TOGARAM1: variants seen among roughly 807,000 people sequenced by gnomAD.
TOGARAM1 encodes TOG array regulator of axonemal microtubules protein 1.
Under a neutral mutation model 166.6 loss-of-function variants are expected in TOGARAM1, and 100 were observed. The observed-to-expected ratio is 0.60, with a 90% confidence interval of 0.51 to 0.71. The LOEUF is 0.71. Ranked by LOEUF, TOGARAM1 falls within the 30% of genes least tolerant of loss-of-function variation. The probability of loss-of-function intolerance (pLI) is 0.00; values close to 1 mark genes in which losing one functional copy is unlikely to be tolerated. For synonymous variants in TOGARAM1, 758 were observed against 763.8 expected (o/e 0.99, Z 0.13); for missense variants, 2,029 against 2,102.7 (o/e 0.96, Z 0.69).
chr14:44,962,504 C>T lies in TOGARAM1; in HGVS notation c.83C>T (p.Pro28Leu). 6.2e-7 allele frequency: 1 copy of T among 1,612,842 alleles called. No homozygotes were observed. The highest frequency in any genetic ancestry group is 1.3e-5 in the African/African-American group (1 of 75,028). Residue 28 changes from proline to leucine, a missense_variant, in exon 1 of 20, where the codon CCT becomes CTT. Physicochemically the swap from Pro to Leu is moderately conservative, Grantham distance 98. Transcript: ENST00000361462. ...STYRLQSRSR[P>L]SAPETDDSRV... Reference sequence around the variant, plus strand: ...TATCGGCTCCAGAGCCGCAGTCGTCCTTCCGCCCCAGAGACCGATGATAGT... The same window carrying T: ...TATCGGCTCCAGAGCCGCAGTCGTCTTTCCGCCCCAGAGACCGATGATAGT...
chr14:45,048,232 G>A (rs917420957), intron 14 of TOGARAM1, among the ~76,000 whole-genome samples: 2 of 141,170 alleles, frequency 1.4e-5, no homozygotes, highest in African/African-American at 5.4e-5. Flanking sequence ...TGCGCCTGTA[G>A]TTCCAGCTAC....
chr14:44,997,024 A>G (rs1221015937), intron 2 of TOGARAM1: 1 of 152,274 alleles, frequency 6.6e-6, no homozygotes, highest in Admixed American at 6.5e-5. Context: ...AGCAAGGTCA[A>G]AAACAGGAAG....
rs1334918188 is a variant in TOGARAM1, at chr14:45,054,463, A to C, written c.4473A>C (p.Ser1491=). The C allele has an allele frequency of 6.2e-7, 1 of 1,613,112 alleles. No homozygotes were observed. The highest frequency in any genetic ancestry group is 8.5e-7 in the Non-Finnish European group (1 of 1,179,382). The change falls in exon 16 of 20, where the codon TCA becomes TCC. Residue 1491 remains serine (S), a synonymous_variant. Transcript: ENST00000361462. ...GGGAGATACCATTAGATACTCCTTC[A>C]GCAAAAGGAAGACGATCTCATACTG... ...GLGEIPLDTP[S]AKGRRSHTGS...
chr14:45,025,804 A>G lies in TOGARAM1; in HGVS notation c.3260A>G (p.Gln1087Arg). 6.2e-7 allele frequency: 1 copy of G among 1,608,512 alleles called. No individual in the cohort carries two copies. Among genetic ancestry groups the G allele is most frequent in the African/African-American group, 1.3e-5 (1 of 74,918 alleles). ...PSAGSSSNPQ[Q>R]ISSFDFTTTK... ...ACAGGGTCATCATCAAATCCACAGC[A>G]AATTTCCAGTTTTGACTTCACAACC... Residue 1087 changes from glutamine to arginine, a missense_variant, in exon 8 of 20, where the codon CAA (glutamine) becomes CGA (arginine). Gln to Arg is a conservative substitution (Grantham distance 43, BLOSUM62 1). Transcript: ENST00000361462.
intron 1 of TOGARAM1, among the ~76,000 whole-genome samples, chr14:44,968,892 G>C (rs1301774871): frequency 6.6e-6 from 1 of 152,092 alleles, no homozygotes. Context: ...TAAATTCTCT[G>C]TTCTCTACAT....
chr14:44,994,320 T>A (rs1887307510), intron 1 of TOGARAM1, among the ~76,000 whole-genome samples: 1 of 152,016 alleles, frequency 6.6e-6, no homozygotes, highest in South Asian at 2.1e-4. Context: ...GGTTTCACCA[T>A]GTTAGCCAGG....
chr14:45,027,402 A>T lies in TOGARAM1; in HGVS notation c.3432A>T (p.Pro1144=). The T allele has an allele frequency of 6.2e-7, 1 of 1,613,660 alleles. No individual in the cohort carries two copies. Among genetic ancestry groups the T allele is most frequent in the Non-Finnish European group, 8.5e-7 (1 of 1,179,794 alleles). ...TTTCAATTAAACAAAGTATTGAACC[A>T]CCATCAGGGATTTATGGAAGATCAG... The part of the protein sequence containing the change: ...DTFSIKQSIE[P]PSGIYGRSVQ... The change falls in exon 9 of 20, where the codon CCA becomes CCT. Residue 1144 remains proline, a synonymous_variant. Transcript: ENST00000361462.
At chr14:45,056,988 T>A (rs1421002180) in intron 16 of TOGARAM1, among the ~76,000 whole-genome samples, 1 of 152,144 alleles carries the variant, frequency 6.6e-6, no homozygotes, top group Admixed American at 6.6e-5. Flanking sequence ...ATTGTACATT[T>A]GGTAGAATTC....
At chr14:44,998,523 T>G (rs1887541771) in intron 2 of TOGARAM1, among the ~76,000 whole-genome samples, 1 of 152,196 alleles carries the variant, frequency 6.6e-6, no homozygotes, top group African/African-American at 2.4e-5. Context: ...GAGACCAGCC[T>G]TAAATAACTG....
chr14:45,040,843 A>C lies in TOGARAM1; in HGVS notation c.3813-2843A>C, dbSNP rs747877538. ...CACTTGAGGCCAGGAGTTCAAGACC[A>C]GCATGGCTAACATGGTGAAACCCCA... On this transcript the variant is annotated intron_variant, in intron 11 of 19. Transcript: ENST00000361462. 1.3e-4 allele frequency among the ~76,000 whole-genome samples: 19 copies of C among 151,964 alleles called. 1 individual carries two copies. Among genetic ancestry groups the C allele is most frequent in the Non-Finnish European group, 2.8e-4 (19 of 68,002 alleles).
chr14:45,037,172 G>A (rs772744239), intron 11 of TOGARAM1, among the ~76,000 whole-genome samples: 3 of 152,144 alleles, frequency 2.0e-5, no homozygotes, highest in Non-Finnish European at 2.9e-5. Context: ...TCAACCTTGT[G>A]TCCTTATTAT....
At chr14:45,004,551 C>T (rs1887857036) in intron 4 of TOGARAM1, among the ~76,000 whole-genome samples, 185 bp downstream of exon 4, 1 of 152,094 alleles carries the variant, frequency 6.6e-6, no homozygotes, top group Non-Finnish European at 1.5e-5. Flanking sequence ...AATTGAAATT[C>T]TCATTTCTTA....
intron 13 of TOGARAM1, among the ~76,000 whole-genome samples, chr14:45,045,203 T>C (rs1360697574): frequency 6.6e-6 from 1 of 151,898 alleles, no homozygotes; most frequent in Non-Finnish European, 1.5e-5. Context: ...GTACAAGTGG[T>C]TTTTTGTTAC....
At chr14:45,064,110 A>T (rs1883032291) in intron 16 of TOGARAM1, among the ~76,000 whole-genome samples, 1 of 151,928 alleles carries the variant, frequency 6.6e-6, no homozygotes, top group South Asian at 2.1e-4. Flanking sequence ...TGGGCCATAA[A>T]TCCCTATCTG....
At chr14:45,040,364 TA>T (rs1197252599) in intron 11 of TOGARAM1, among the ~76,000 whole-genome samples, 1 of 152,128 alleles carries the variant, frequency 6.6e-6, no homozygotes, top group Non-Finnish European at 1.5e-5. Context: ...AAAAGTTCTA[TA>T]TCAAGGAAAT....
intron 11 of TOGARAM1, among the ~76,000 whole-genome samples, chr14:45,035,160 A>G (rs1881358540): frequency 6.6e-6 from 1 of 152,174 alleles, no homozygotes; most frequent in Non-Finnish European, 1.5e-5. Flanking sequence ...AAATGAAACA[A>G]TGAAGCCTGA....
chr14:45,001,716 C>A (rs1267289984), intron 3 of TOGARAM1, among the ~76,000 whole-genome samples: 2 of 152,092 alleles, frequency 1.3e-5, no homozygotes, highest in Non-Finnish European at 2.9e-5. Flanking sequence ...TAACATTATC[C>A]ATTAAAGAGT....
intron 9 of TOGARAM1, 53 bp from the exon 10 acceptor site, chr14:45,028,123 T>C: frequency 6.8e-7 from 1 of 1,473,290 alleles, no homozygotes; most frequent in South Asian, 1.3e-5. Flanking sequence ...GATGAAGATA[T>C]TTTAAATATC....
chr14:45,026,861 G>A (rs8015453), intron 8 of TOGARAM1, among the ~76,000 whole-genome samples: 25,057 of 151,354 alleles, frequency 0.17, 4,004 homozygotes, highest in African/African-American at 0.42. Flanking sequence ...ACAAAAAATT[G>A]GGCAGGCCTG....
Sources: gnomAD v4.1 joint callset for allele counts (sites outside exome capture counted in the v4.1 genomes callset) on GRCh38, gnomAD v4.1.1 for gene constraint, MANE v1.5 for transcripts, NCBI Gene and HGNC (gene_info 2026-07-23, HGNC 2026-07-21) for gene names.